LSAMP: variants seen among roughly 807,000 people sequenced by gnomAD.
LSAMP encodes the protein limbic system-associated membrane protein.
In LSAMP, 7 loss-of-function variants were observed where a neutral mutation model predicts 38.6. The observed-to-expected ratio is 0.18, with a 90% CI of 0.10 to 0.34. LSAMP has a LOEUF of 0.34. Ranked by LOEUF, LSAMP falls within the 10% of genes least tolerant of loss-of-function variation. LSAMP has a pLI of 1.00. For synonymous variants in LSAMP, 154 were observed against 166.8 expected (o/e 0.92, Z 0.59); for missense variants, 313 against 420.0 (o/e 0.75, Z 2.23).
intron 1 of LSAMP, among the ~76,000 whole-genome samples, chr3:116,443,357 A>G (rs1349067927): frequency 6.6e-6 from 1 of 152,226 alleles, no homozygotes; most frequent in African/African-American, 2.4e-5. Flanking sequence ...TGCTTTGGAT[A>G]GTAGGATCTT....
intron 1 of LSAMP, among the ~76,000 whole-genome samples, chr3:116,405,939 G>T (rs1003692546): frequency 6.6e-6 from 1 of 152,200 alleles, no homozygotes; most frequent in East Asian, 1.9e-4. Flanking sequence ...TTTCTCACTG[G>T]TGTATGAGCC....
chr3:116,239,338 C>T (rs1381068), intron 1 of LSAMP, among the ~76,000 whole-genome samples: 109,029 of 152,000 alleles, frequency 0.72, 40,705 homozygotes, highest in South Asian at 0.84. Context: ...TCCTGACTCA[C>T]GAGGCTTTGG....
intron 1 of LSAMP, among the ~76,000 whole-genome samples, chr3:116,129,949 T>C (rs971274094): frequency 6.6e-6 from 1 of 152,230 alleles, no homozygotes; most frequent in African/African-American, 2.4e-5. Flanking sequence ...ATCTCACTTT[T>C]AATATTCACT....
At chr3:116,432,092 A>C (rs1218641388) in intron 1 of LSAMP, among the ~76,000 whole-genome samples, 1 of 151,934 alleles carries the variant, frequency 6.6e-6, no homozygotes, top group Non-Finnish European at 1.5e-5. Flanking sequence ...AAACATACTA[A>C]TCAAAAAAAT....
chr3:116,274,687 G>GTGTT (rs1044633602), intron 1 of LSAMP, among the ~76,000 whole-genome samples: 24 of 151,680 alleles, frequency 1.6e-4, no homozygotes, highest in African/African-American at 4.6e-4. Context: ...GGTAAATAAG[G>GTGTT]TGTTTTACTT....
chr3:116,196,438 C>A (rs1000246915), intron 1 of LSAMP, among the ~76,000 whole-genome samples: 5 of 152,064 alleles, frequency 3.3e-5, no homozygotes, highest in Admixed American at 6.5e-5. Context: ...TCATGTCATG[C>A]GAATTGACCA....
intron 4 of LSAMP, among the ~76,000 whole-genome samples, chr3:115,845,726 T>C (rs933065011): frequency 1.6e-4 from 24 of 152,300 alleles, no homozygotes; most frequent in East Asian, 7.7e-4. Flanking sequence ...TCTCTAAAAA[T>C]GGGAACATTT....
intron 1 of LSAMP, among the ~76,000 whole-genome samples, chr3:116,147,263 A>G (rs1709511974): frequency 6.6e-6 from 1 of 151,898 alleles, no homozygotes; most frequent in African/African-American, 2.4e-5. Context: ...CCTGTTACAC[A>G]CATCATCTCT....
At chr3:116,411,459 A>T (rs1407303906) in intron 1 of LSAMP, among the ~76,000 whole-genome samples, 2 of 151,902 alleles carry the variant, frequency 1.3e-5, no homozygotes, top group African/African-American at 4.8e-5. Context: ...AAAAATGATG[A>T]GTTCATGTCC....
At chr3:115,985,248 G>A (rs769296809) in intron 3 of LSAMP, among the ~76,000 whole-genome samples, 22 of 152,218 alleles carry the variant, frequency 1.4e-4, no homozygotes, top group East Asian at 5.8e-4. Flanking sequence ...GTACCAAAGC[G>A]TTGCTGGAAC....
chr3:116,253,888 C>T (rs2046717951), intron 1 of LSAMP, among the ~76,000 whole-genome samples: 1 of 152,136 alleles, frequency 6.6e-6, no homozygotes, highest in Admixed American at 6.5e-5. Flanking sequence ...TTCCAAATAA[C>T]CATAGCATTT....
intron 1 of LSAMP, among the ~76,000 whole-genome samples, chr3:116,088,514 A>G (rs953449886): frequency 3.9e-5 from 6 of 152,102 alleles, no homozygotes; most frequent in African/African-American, 1.4e-4. Context: ...ATCATTGATG[A>G]ATTAATTAAT....
At chr3:115,971,059 C>G (rs1939002271) in intron 3 of LSAMP, among the ~76,000 whole-genome samples, 1 of 152,048 alleles carries the variant, frequency 6.6e-6, no homozygotes, top group Non-Finnish European at 1.5e-5. Flanking sequence ...CGAGAAAGTT[C>G]AAGTGCTGAT....
chr3:116,410,704 T>A (rs2048961914), intron 1 of LSAMP, among the ~76,000 whole-genome samples: 2 of 152,188 alleles, frequency 1.3e-5, no homozygotes, highest in Non-Finnish European at 2.9e-5. Context: ...TTCCTAGAGA[T>A]CCAACCCCAT....
At chr3:116,441,566 G>A (rs1363871088) in intron 1 of LSAMP, among the ~76,000 whole-genome samples, 1 of 152,164 alleles carries the variant, frequency 6.6e-6, no homozygotes, top group Non-Finnish European at 1.5e-5. Flanking sequence ...TCTTTGACTT[G>A]TAAGAGAACT....
intron 2 of LSAMP, among the ~76,000 whole-genome samples, chr3:116,035,065 A>G (rs1463761156): frequency 6.6e-6 from 1 of 152,198 alleles, no homozygotes; most frequent in Non-Finnish European, 1.5e-5. Context: ...TTAAGGGAAA[A>G]CAGTTATGTA....
chr3:115,968,981 T>A (rs918350597), intron 3 of LSAMP, among the ~76,000 whole-genome samples: 1 of 152,180 alleles, frequency 6.6e-6, no homozygotes, highest in African/African-American at 2.4e-5. Flanking sequence ...AAAGCAGCAC[T>A]GAGTTCCAAT....
chr3:116,164,594 T>TATATATATATATATAA (rs1709986639), intron 1 of LSAMP, among the ~76,000 whole-genome samples: 1 of 74,508 alleles, frequency 1.3e-5, no homozygotes, highest in Non-Finnish European at 2.7e-5. Context: ...TATATATATA[T>TATATATATATATATAA]AATCCAAATA....
chr3:115,825,381 T>C (rs1026644561), intron 6 of LSAMP, among the ~76,000 whole-genome samples: 6 of 152,206 alleles, frequency 3.9e-5, no homozygotes, highest in African/African-American at 1.4e-4. Context: ...GCTATGTCAG[T>C]GACTCCAAAT....
Sources: allele counts gnomAD v4.1 joint callset (sites outside exome capture counted in the v4.1 genomes callset), GRCh38; gene constraint gnomAD v4.1.1; transcripts MANE v1.5; gene names NCBI Gene and HGNC (gene_info 2026-07-23, HGNC 2026-07-21).